The following MACF1 variants were observed in gnomAD, a reference collection of about 807,000 sequenced individuals.
The protein encoded by MACF1 is microtubule actin crosslinking factor 1, also known as microtubule-actin cross-linking factor 1.
A neutral mutation model predicts 854.8 loss-of-function variants in MACF1; 193 were observed. That is an observed-to-expected ratio of 0.23 (90% CI 0.20 to 0.25). The LOEUF (loss-of-function observed/expected upper bound fraction) is 0.25. Ranked by LOEUF, MACF1 falls within the 10% of genes least tolerant of loss-of-function variation. MACF1 has a pLI of 1.00. For missense variants in MACF1, 7,722 were observed against 8,929.1 expected, an observed-to-expected ratio of 0.86 and a Z score of 5.45; for synonymous variants, 3,185 against 3,226.7, an observed-to-expected ratio of 0.99 and a Z score of 0.44.
Position 39,382,516 on chromosome 1 carries a change from A to G in MACF1, c.13848+364A>G, listed in dbSNP as rs1406207657. 2.0e-5 allele frequency among the ~76,000 whole-genome samples: 3 copies of G among 151,690 alleles called. No homozygotes were observed. In the East Asian group the frequency reaches 5.8e-4, roughly 29 times the overall value. On this transcript the variant is annotated intron_variant, in intron 56 of 100. Coordinates refer to ENST00000564288, the MANE Select transcript of MACF1 (RefSeq NM_001394062.1). ...TCAGGAGATCAAGACCATCCTGGCT[A>G]ACACAATGAAACCCTGTCTCTACTA... is the stretch of plus-strand genomic sequence containing the variant.
chr1:39,483,968 G>A (rs535185247), intron 99 of MACF1, among the ~76,000 whole-genome samples: 1 of 152,232 alleles, frequency 6.6e-6, no homozygotes, highest in South Asian at 2.1e-4. Flanking sequence ...TGGCTAACAC[G>A]GTGAAACCCC....
intron 36 of MACF1, among the ~76,000 whole-genome samples, chr1:39,329,215 GT>G (rs1484896389): frequency 6.6e-6 from 1 of 152,182 alleles, no homozygotes; most frequent in Non-Finnish European, 1.5e-5. Flanking sequence ...TTTAAATAGT[GT>G]AGAGAAGTCT....
intron 2 of MACF1, among the ~76,000 whole-genome samples, chr1:39,138,777 G>A (rs1643250747): frequency 6.6e-6 from 1 of 151,748 alleles, no homozygotes; most frequent in Non-Finnish European, 1.5e-5. Context: ...TGATTCTCCT[G>A]CCTCAGCCTC....
intron 36 of MACF1, among the ~76,000 whole-genome samples, chr1:39,328,078 C>T (rs1366647154): frequency 6.6e-6 from 1 of 152,088 alleles, no homozygotes; most frequent in Non-Finnish European, 1.5e-5. Context: ...ATTAAGCTCA[C>T]GTGATAGTCA....
intron 58 of MACF1, among the ~76,000 whole-genome samples, chr1:39,406,726 CAG>C (rs113911738): frequency 1.4e-4 from 11 of 81,414 alleles, no homozygotes; most frequent in African/African-American, 4.8e-4. Flanking sequence ...CAGAGTGAGA[CAG>C]AGTCTCACTC....
At position 39,283,587 on chromosome 1, in the gene MACF1, T is replaced by A. The variant is rs115959170; in HGVS notation, c.915+72T>A. On this transcript the variant is annotated intron_variant, in intron 9 of 100. Coordinates refer to ENST00000564288, the MANE Select transcript of MACF1 (RefSeq NM_001394062.1). This position sits in a 1 kb window ranked among gnomAD's most constrained non-coding sequence, Gnocchi z 4.5. ...GGTGAAATGCATTGGTTAGACACTTTCTTAAGCACTTATGGTATACTCATG... is the reference window on the plus strand; with the variant it reads ...GGTGAAATGCATTGGTTAGACACTTACTTAAGCACTTATGGTATACTCATG... The A allele has an allele frequency of 2.9e-6, 3 of 1,049,648 alleles. No individual in the cohort carries two copies. The highest frequency in any genetic ancestry group is 3.1e-5 in the African/African-American group (2 of 63,760). 65.0% of individuals were successfully genotyped at this position (1,049,648 alleles called of 1,614,324 possible).
chr1:39,417,380 A>G (rs1034527021), intron 58 of MACF1, among the ~76,000 whole-genome samples: 1 of 152,206 alleles, frequency 6.6e-6, no homozygotes, highest in Non-Finnish European at 1.5e-5. Context: ...TAAGGGTTCT[A>G]TAAGATTACA....
chr1:39,336,637 C>T lies in MACF1; in HGVS notation c.10049C>T (p.Pro3350Leu). The T allele has an allele frequency of 6.2e-7, 1 of 1,606,310 alleles. No homozygotes were observed. The highest frequency in any genetic ancestry group is 1.1e-5 in the South Asian group (1 of 89,698). ...GKGNGGVNPE[P>L]FRATQNVFTR... ...GGAAATGGAGGTGTAAACCCAGAGC[C>T]CTTCAGAGCAACTCAGGTCAGTGGT... The change falls in exon 37 of 101, where the codon CCC becomes CTC. Residue 3350 changes from proline (P) to leucine (L), a missense_variant. Coordinates refer to ENST00000564288, the MANE Select transcript of MACF1 (RefSeq NM_001394062.1).
chr1:39,432,095 C>CA (rs1481877032), intron 66 of MACF1, among the ~76,000 whole-genome samples: 1 of 152,168 alleles, frequency 6.6e-6, no homozygotes, highest in Non-Finnish European at 1.5e-5. Context: ...CTTTTGGGGT[C>CA]TTATGCTGCT....
intron 5 of MACF1, among the ~76,000 whole-genome samples, chr1:39,255,325 G>A (rs547445420): frequency 3.3e-5 from 5 of 152,326 alleles, no homozygotes; most frequent in African/African-American, 1.2e-4. Context: ...GAGAGACAAG[G>A]AGAATGACAG....
At chr1:39,360,038 TATATATATATATATACAC>T (rs1209267839) in intron 47 of MACF1, among the ~76,000 whole-genome samples, 14 of 60,972 alleles carry the variant, frequency 2.3e-4, no homozygotes, top group East Asian at 1.3e-3. Context: ...TATATATATA[TATATATATATATATACAC>T]ACACACACAC....
intron 38 of MACF1, among the ~76,000 whole-genome samples, chr1:39,339,762 G>C (rs1217590231): frequency 6.6e-6 from 1 of 152,168 alleles, no homozygotes; most frequent in African/African-American, 2.4e-5. Flanking sequence ...TAAAAACGTA[G>C]AAAGACAGCC....
intron 43 of MACF1, among the ~76,000 whole-genome samples, chr1:39,352,377 A>G (rs1569646522): frequency 6.6e-6 from 1 of 152,294 alleles, no homozygotes; most frequent in Middle Eastern, 3.4e-3. Flanking sequence ...TTTAGGAAAG[A>G]GCAGCCCGGT....
chr1:39,095,109 A>C (rs440753), intron 2 of MACF1, among the ~76,000 whole-genome samples: 2,058 of 152,282 alleles, frequency 0.014, 20 homozygotes, highest in Non-Finnish European at 0.02. Flanking sequence ...ACCATGCAGA[A>C]ATGTGATTGG....
intron 19 of MACF1, among the ~76,000 whole-genome samples, chr1:39,295,466 G>C (rs1645880891): frequency 6.6e-6 from 1 of 152,174 alleles, no homozygotes; most frequent in South Asian, 2.1e-4. Context: ...TGTTGGTGTG[G>C]TGCCTTTGCC....
At chr1:39,411,815 A>G in intron 58 of MACF1, 1 of 1,613,926 alleles carries the variant, frequency 6.2e-7, no homozygotes, top group Non-Finnish European at 8.5e-7. Context: ...GCCTTAGAAA[A>G]GGAACAGCAT....
chr1:39,387,037 C>T (rs1641832645), intron 57 of MACF1, 150 bp from the exon 58 acceptor site: 1 of 738,444 alleles, frequency 1.4e-6, no homozygotes, highest in Non-Finnish European at 2.2e-6. Flanking sequence ...AGATAGTGTA[C>T]ATGAAGGAGC....
intron 6 of MACF1, among the ~76,000 whole-genome samples, chr1:39,263,974 C>G (rs372107020): frequency 6.6e-5 from 10 of 151,954 alleles, no homozygotes; most frequent in East Asian, 5.8e-4. Flanking sequence ...GGGGTTTCAC[C>G]GTGTTAGCCA....
intron 2 of MACF1, among the ~76,000 whole-genome samples, chr1:39,185,018 G>A (rs1484124404): frequency 6.6e-6 from 1 of 152,218 alleles, no homozygotes; most frequent in East Asian, 1.9e-4. Flanking sequence ...GGTGCTGGGC[G>A]TGGTGGCACA....
Sources: allele counts gnomAD v4.1 joint callset (sites outside exome capture counted in the v4.1 genomes callset), GRCh38; gene constraint gnomAD v4.1.1; non-coding constraint Gnocchi (gnomAD v3.1); transcripts MANE v1.5; gene names NCBI Gene and HGNC (gene_info 2026-07-23, HGNC 2026-07-21).